The following IL18R1 variants were observed in gnomAD, a reference collection of about 807,000 sequenced individuals.
IL18R1 encodes the protein interleukin-18 receptor 1.
IL18R1 carries 40 observed loss-of-function variants against 48.5 expected under a neutral mutation model. The observed-to-expected ratio is 0.82, with a 90% CI of 0.64 to 1.07. The LOEUF is 1.07. Among genes scored for constraint, IL18R1 ranks in the 50% least tolerant of loss-of-function variants. The probability of loss-of-function intolerance (pLI) is 0.00; values close to 1 mark genes in which losing one functional copy is unlikely to be tolerated. For missense variants in IL18R1, 596 were observed against 633.7 expected (o/e 0.94, Z 0.64); for synonymous variants, 232 against 225.9 (o/e 1.03, Z -0.24).
At position 102,375,924 on chromosome 2, in the gene IL18R1, A is replaced by T. The variant is rs1487362598; in HGVS notation, c.486A>T (p.Leu162=). Residue 162 remains leucine (L), a synonymous_variant, in exon 5 of 11, where the codon CTA becomes CTT. Transcript: ENST00000233957. ...AAAAACAGAACTGTAAAAAGCTACT[A>T]CTGGAGAACAATAAAAACCCAACGA... ...TSLYKNCKKL[L]LENNKNPTIK... The T allele has an allele frequency of 6.3e-7, 1 of 1,589,902 alleles. No individual in the cohort carries two copies. Among genetic ancestry groups the T allele is most frequent in the East Asian group, 2.3e-5 (1 of 44,336 alleles).
intron 5 of IL18R1, among the ~76,000 whole-genome samples, chr2:102,377,064 T>A (rs1226406408): frequency 6.6e-6 from 1 of 152,200 alleles, no homozygotes; most frequent in Non-Finnish European, 1.5e-5. Context: ...TTCCCCATCA[T>A]CCTGAGAAAC....
At chr2:102,388,542 T>G (rs1680376816) in intron 8 of IL18R1, among the ~76,000 whole-genome samples, 2 of 152,118 alleles carry the variant, frequency 1.3e-5, no homozygotes, top group Admixed American at 6.5e-5. Context: ...CAGGCTTTCC[T>G]GGGGCCTGCT....
intron 2 of IL18R1, 60 bp downstream of exon 2, chr2:102,362,778 G>GTTT: frequency 6.2e-5 from 56 of 903,974 alleles, no homozygotes; most frequent in South Asian, 1.6e-4. Flanking sequence ...GAATGTCAAA[G>GTTT]TTTTTTTTTT....
At chr2:102,377,199 T>C (rs890935386) in intron 5 of IL18R1, among the ~76,000 whole-genome samples, 5 of 152,252 alleles carry the variant, frequency 3.3e-5, no homozygotes, top group African/African-American at 1.2e-4. Flanking sequence ...TACACCCACA[T>C]GTTGCCACAG....
intron 4 of IL18R1, 86 bp from the exon 5 acceptor site, chr2:102,375,820 TA>T: frequency 1.2e-6 from 1 of 863,954 alleles, no homozygotes; most frequent in Non-Finnish European, 1.7e-6. Context: ...CCTTTTTCTC[TA>T]AAGATCTTTA....
At chr2:102,395,267 C>T (rs1680759627) in intron 10 of IL18R1, among the ~76,000 whole-genome samples, 1 of 151,092 alleles carries the variant, frequency 6.6e-6, no homozygotes, top group African/African-American at 2.4e-5. Flanking sequence ...TAATGAGTAA[C>T]ATTTTTAGAT....
At chr2:102,385,935 A>G (rs3755274) in intron 7 of IL18R1, among the ~76,000 whole-genome samples, 117,868 of 152,214 alleles carry the variant, frequency 0.77, 46,660 homozygotes, top group African/African-American at 0.89. Context: ...ACAAAAGCAG[A>G]GAGGTCTTTC....
At chr2:102,381,534 T>C (rs982194076) in intron 5 of IL18R1, 86 bp from the exon 6 acceptor site, 8 of 952,286 alleles carry the variant, frequency 8.4e-6, no homozygotes, top group Middle Eastern at 2.5e-4. Flanking sequence ...CTTTGTTACA[T>C]GAAATGAGCA....
chr2:102,384,890 G>A lies in IL18R1; in HGVS notation c.701G>A (p.Arg234Lys). ...HVAVELGKNV[R>K]LNCSALLNEE... ...CAACTTTTACCAGGAAAAAACGTAA[G>A]GCTCAACTGCTCTGCTTTGCTGAAT... The change falls in exon 7 of 11, where the codon AGG becomes AAG. Residue 234 changes from arginine to lysine, a missense_variant. Arg to Lys is a conservative substitution (Grantham distance 26). Around this residue, in one of 3 missense-constraint regions of IL18R1, gnomAD observed 360 missense variants for 339.4 expected, o/e 1.06. Transcript: ENST00000233957. The A allele has an allele frequency of 1.2e-6, 2 of 1,608,392 alleles. No homozygotes were observed. The highest frequency in any genetic ancestry group is 1.7e-6 in the Non-Finnish European group (2 of 1,177,542).
chr2:102,372,011 A>G lies in IL18R1; in HGVS notation c.361A>G (p.Thr121Ala). 1.9e-6 allele frequency: 3 copies of G among 1,590,780 alleles called. No homozygotes were observed. The highest frequency in any genetic ancestry group is 2.6e-6 in the Non-Finnish European group (3 of 1,163,706). ...CAGAAGAAATAAACACAGCTGTTTC[A>G]CTGAAAGACAAGTAACTAGTAAAAT... ...VIRRNKHSCF[T>A]ERQVTSKIVE... is the part of the protein sequence containing the mutation. Residue 121 changes from threonine (T) to alanine (A), a missense_variant, in exon 4 of 11, where the codon ACT (threonine) becomes GCT (alanine). By Grantham distance (58) the Thr-to-Ala change is moderately conservative. Around this residue, in one of 3 missense-constraint regions of IL18R1, gnomAD observed 360 missense variants for 339.4 expected, o/e 1.06. Coordinates refer to ENST00000233957, the MANE Select transcript of IL18R1 (RefSeq NM_003855.5).
intron 3 of IL18R1, among the ~76,000 whole-genome samples, chr2:102,369,471 A>G (rs149397730): frequency 1.3e-5 from 2 of 152,330 alleles, no homozygotes; most frequent in African/African-American, 4.8e-5. Context: ...AAGAAAAATG[A>G]GGTGTCCCAG....
intron 4 of IL18R1, among the ~76,000 whole-genome samples, chr2:102,372,984 C>A (rs1679359678): frequency 6.6e-6 from 1 of 152,118 alleles, no homozygotes; most frequent in Non-Finnish European, 1.5e-5. Context: ...CCAGGGAGCT[C>A]TGCCAATTTT....
intron 5 of IL18R1, among the ~76,000 whole-genome samples, chr2:102,377,918 C>G (rs1447799744): frequency 6.6e-6 from 1 of 152,204 alleles, no homozygotes; most frequent in Non-Finnish European, 1.5e-5. Context: ...ACTTCAGGGT[C>G]TATTATTCTG....
rs1441626214 is a variant in IL18R1 at position 102,356,257 on chromosome 2, C to T, written c.-172C>T. On this transcript the variant is annotated 5_prime_UTR_variant, in exon 1 of 11. Transcript: ENST00000233957. ...TCTGGGTGCCTTATCTCTTTAATCACACCTCTCTTTCACTTTCCACGGTAG... is the reference window on the plus strand; with the variant it reads ...TCTGGGTGCCTTATCTCTTTAATCATACCTCTCTTTCACTTTCCACGGTAG... The T allele has an allele frequency of 1.5e-6, 1 of 657,824 alleles. No individual in the cohort carries two copies. Among genetic ancestry groups the T allele is most frequent in the Non-Finnish European group, 1.9e-6 (1 of 532,546 alleles). 40.7% of individuals were successfully genotyped at this position (657,824 alleles called of 1,614,324 possible). A position where few individuals can be genotyped will look rare whatever the true frequency, so the allele number is the denominator to read the frequency against.
intron 8 of IL18R1, among the ~76,000 whole-genome samples, chr2:102,388,587 G>T (rs973722317): frequency 3.3e-5 from 5 of 152,150 alleles, no homozygotes; most frequent in African/African-American, 1.2e-4. Context: ...TTAGAACAGG[G>T]CAGGACTGTC....
Position 102,390,065 on chromosome 2 carries a change from C to T in IL18R1, c.959C>T (p.Ala320Val), listed in dbSNP as rs1417388783. ...TCCCTTTCTTTTCTAGCAGACATGG[C>T]TGATATCCCAGGCCACGTCTTCACA... is the stretch of plus-strand genomic sequence containing the variant. ...SFILVRKADM[A>V]DIPGHVFTRG... Residue 320 changes from alanine to valine, a missense_variant, in exon 9 of 11, where the codon GCT (alanine) becomes GTT (valine). By Grantham distance (64) the Ala-to-Val change is moderately conservative (BLOSUM62 0). Transcript: ENST00000233957. 2.5e-6 allele frequency: 4 copies of T among 1,613,774 alleles called. No individual in the cohort carries two copies. In the African/African-American group the frequency reaches 5.3e-5, roughly 22 times the overall value.
chr2:102,380,432 C>T (rs1462330021), intron 5 of IL18R1, among the ~76,000 whole-genome samples: 1 of 152,170 alleles, frequency 6.6e-6, no homozygotes, highest in Non-Finnish European at 1.5e-5. Flanking sequence ...GCCTCCTGCC[C>T]TTTGTCTTTG....
chr2:102,362,571 C>T, intron 1 of IL18R1, 62 bp from the exon 2 acceptor site: 1 of 1,123,644 alleles, frequency 8.9e-7, no homozygotes, highest in Non-Finnish European at 1.3e-6. Flanking sequence ...TTTAAACCTT[C>T]ATAAGATAGG....
chr2:102,366,380 G>A (rs151270698), intron 2 of IL18R1, among the ~76,000 whole-genome samples: 9 of 152,270 alleles, frequency 5.9e-5, no homozygotes, highest in African/African-American at 2.2e-4. Context: ...ACCTCAGCCT[G>A]GACTTTATTG....
Sources: gnomAD v4.1 joint callset for allele counts (sites outside exome capture counted in the v4.1 genomes callset) on GRCh38, gnomAD v4.1.1 for gene constraint, gnomAD v4.1.1 regional missense constraint, MANE v1.5 for transcripts, NCBI Gene and HGNC (gene_info 2026-07-23, HGNC 2026-07-21) for gene names.